Variants in NIM1K observed in about 807,000 individuals in gnomAD.
NIM1K encodes NIM1 serine/threonine protein kinase, also known as serine/threonine-protein kinase NIM1.
A neutral mutation model predicts 37.1 loss-of-function variants in NIM1K; 35 were observed. That is an observed-to-expected ratio of 0.94 (90% confidence interval 0.72 to 1.25). The LOEUF is 1.25. NIM1K is among the 50% of genes most tolerant of loss of function. NIM1K has a pLI of 0.00. For missense variants in NIM1K, 564 were observed against 548.0 expected, an observed-to-expected ratio of 1.03 and a Z score of -0.29; for synonymous variants, 234 against 206.6, an observed-to-expected ratio of 1.13 and a Z score of -1.14.
chr5:43,221,266 G>A (rs143001309), intron 1 of NIM1K, among the ~76,000 whole-genome samples: 68 of 152,102 alleles, frequency 4.5e-4, no homozygotes, highest in African/African-American at 1.6e-3. Context: ...CTTGACGTCA[G>A]GAGTTCGAGA....
In NIM1K at chr5:43,230,655, G is replaced by A. The variant is rs115177262; in HGVS notation, c.-694-14427G>A. On this transcript the variant is annotated intron_variant, in intron 1 of 3. Coordinates refer to ENST00000326035, the MANE Select transcript of NIM1K (RefSeq NM_153361.4). ...TTCAATCACAATATTTGGGGGGCAGGGCCTAGACTTCTGCATTTTTTGAAT... is the reference window on the plus strand; with the variant it reads ...TTCAATCACAATATTTGGGGGGCAGAGCCTAGACTTCTGCATTTTTTGAAT... Among the ~76,000 whole-genome samples, 463 of 152,242 alleles carry A rather than the reference G, an allele frequency of 3.0e-3. 3 individuals carry two copies. The highest frequency in any genetic ancestry group is 0.011 in the African/African-American group (451 of 41,560).
chr5:43,265,326 T>G (rs1753126277), intron 2 of NIM1K, among the ~76,000 whole-genome samples: 1 of 152,210 alleles, frequency 6.6e-6, no homozygotes, highest in Non-Finnish European at 1.5e-5. Flanking sequence ...CTTTTTACTC[T>G]TTTTTCTCTA....
At chr5:43,259,094 C>G (rs1224113997) in intron 2 of NIM1K, among the ~76,000 whole-genome samples, 1 of 152,130 alleles carries the variant, frequency 6.6e-6, no homozygotes, top group African/African-American at 2.4e-5. Context: ...TTATTTTATT[C>G]TTTTTCATAG....
chr5:43,198,989 G>C (rs1297840360), intron 1 of NIM1K, among the ~76,000 whole-genome samples: 1 of 151,624 alleles, frequency 6.6e-6, no homozygotes, highest in East Asian at 1.9e-4. Context: ...AGGAGTTCGA[G>C]ACCAGCCTGA....
rs369308427 is a variant in NIM1K at position 43,277,206 on chromosome 5, T to G, written c.442T>G (p.Leu148Val). 3.2e-5 allele frequency: 51 copies of G among 1,613,936 alleles called. No individual in the cohort carries two copies. The highest frequency in any genetic ancestry group is 4.2e-5 in the Non-Finnish European group (50 of 1,180,008). The stretch of plus-strand genomic sequence containing the variant: ...GGTGGAGACCCTATCCAAGCTGCAC[T>G]TGGTGATGGAGTATGCAGGGGGTGG... ...EVVETLSKLH[L>V]VMEYAGGGEL... is the part of the protein sequence containing the mutation. The change falls in exon 3 of 4, where the codon TTG becomes GTG. Residue 148 changes from leucine to valine, a missense_variant. By Grantham distance (32) the Leu-to-Val change is conservative (BLOSUM62 1). Transcript: ENST00000326035.
At chr5:43,238,383 T>C (rs1171024786) in intron 1 of NIM1K, among the ~76,000 whole-genome samples, 1 of 151,952 alleles carries the variant, frequency 6.6e-6, no homozygotes, top group African/African-American at 2.4e-5. Context: ...TTTCTTGTTG[T>C]CTGAATTGTC....
At position 43,245,818 on chromosome 5, in the gene NIM1K, C is replaced by T; in HGVS notation, c.43C>T (p.His15Tyr). ...YMNGGGLVNP[H>Y]YARWDRRDSV... ...GAATGGAGGTGGCCTGGTGAACCCC[C>T]ACTATGCCCGGTGGGATCGGCGCGA... The change falls in exon 2 of 4, where the codon CAC becomes TAC. Residue 15 changes from histidine (H) to tyrosine (Y), a missense_variant. Physicochemically the swap from His to Tyr is moderately conservative, Grantham distance 83. Transcript: ENST00000326035. The T allele has an allele frequency of 1.9e-6, 3 of 1,612,544 alleles. No individual in the cohort carries two copies. The highest frequency in any genetic ancestry group is 2.5e-6 in the Non-Finnish European group (3 of 1,179,044).
intron 1 of NIM1K, among the ~76,000 whole-genome samples, chr5:43,223,862 C>A (rs949606763): frequency 6.6e-6 from 1 of 152,112 alleles, no homozygotes; most frequent in Non-Finnish European, 1.5e-5. Flanking sequence ...GCTCAGGAAT[C>A]AAAGGCATCA....
At chr5:43,231,931 T>G in intron 1 of NIM1K, 2 of 953,822 alleles carry the variant, frequency 2.1e-6, no homozygotes, top group South Asian at 2.6e-5. Flanking sequence ...CCTTCCTCCC[T>G]TCTCTCACCC....
intron 2 of NIM1K, among the ~76,000 whole-genome samples, chr5:43,270,427 G>A (rs1753238374): frequency 6.6e-6 from 1 of 152,168 alleles, no homozygotes; most frequent in South Asian, 2.1e-4. Context: ...AAGGAAGAGA[G>A]ATTCCAGTAG....
intron 2 of NIM1K, among the ~76,000 whole-genome samples, chr5:43,265,001 T>A (rs1006487500): frequency 6.6e-6 from 1 of 152,232 alleles, no homozygotes; most frequent in African/African-American, 2.4e-5. Context: ...GTTAGTCTGA[T>A]GGGCTTCCCT....
At chr5:43,209,412 G>A (rs1182180448) in intron 1 of NIM1K, among the ~76,000 whole-genome samples, 2 of 152,094 alleles carry the variant, frequency 1.3e-5, no homozygotes, top group East Asian at 1.9e-4. Context: ...GAACAAACTT[G>A]CCTTTGTTTC....
chr5:43,245,601 C>T lies in NIM1K; in HGVS notation c.-175C>T, dbSNP rs1752764711. The T allele has an allele frequency of 8.5e-6, 5 of 588,764 alleles. No homozygotes were observed. Among genetic ancestry groups the T allele is most frequent in the Admixed American group, 3.0e-5 (1 of 33,254 alleles). 36.5% of individuals were successfully genotyped at this position (588,764 alleles called of 1,614,324 possible). ...CTGGGCTGGGCAGACTCAGCTACCA[C>T]GTTCACTGCCTTCCTCTCACTAAAG... is the stretch of plus-strand genomic sequence containing the variant. On this transcript the variant is annotated 5_prime_UTR_variant, in exon 2 of 4. In the 5' UTR this introduces an upstream ATG that the reference lacks. Transcript: ENST00000326035.
At position 43,263,138 on chromosome 5, in the gene NIM1K, G is replaced by A. The variant is rs556580875; in HGVS notation, c.293-13919G>A. ...TGCTGGCCTCATAAAATGAGTTAGG[G>A]AGGATTCCCTCTTTTTCTATTGATT... On this transcript the variant is annotated intron_variant, in intron 2 of 3. Coordinates refer to ENST00000326035, the MANE Select transcript of NIM1K (RefSeq NM_153361.4). 7.2e-5 allele frequency among the ~76,000 whole-genome samples: 11 copies of A among 152,308 alleles called. No individual in the cohort carries two copies. In the South Asian group the frequency reaches 2.3e-3, roughly 32 times the overall value.
chr5:43,255,754 A>AAGAAAGAAAGAAAGAAAG (rs1554016082), intron 2 of NIM1K, among the ~76,000 whole-genome samples: 1 of 131,808 alleles, frequency 7.6e-6, no homozygotes, highest in Non-Finnish European at 1.6e-5. Flanking sequence ...TCTCAAAAAA[A>AAGAAAGAAAGAAAGAAAG]AAAGAAAGAA....
chr5:43,249,905 T>C (rs1047435620), intron 2 of NIM1K, among the ~76,000 whole-genome samples: 2 of 139,766 alleles, frequency 1.4e-5, no homozygotes, highest in Admixed American at 1.6e-4. Flanking sequence ...CACGCTGGAG[T>C]GTAGTGGTGT....
rs1177152181 is a variant in NIM1K, at chr5:43,213,280, GTTTCCTTTCCTTTTCTTTTCTTTTC to G, written c.-695+20873_-695+20897del. Among the ~76,000 whole-genome samples the G allele has an allele frequency of 3.1e-4, 18 of 57,760 alleles. No homozygotes were observed. The East Asian group carries it at 4.0e-3, about 13-fold the overall frequency. 37.9% of individuals were successfully genotyped at this position (57,760 alleles called of 152,430 possible). A position where few individuals can be genotyped will look rare whatever the true frequency, so the allele number is the denominator to read the frequency against. ...TCTTTCTTGTTTCTTTTTCTTTCTT[GTTTCCTTTCCTTTTCTTTTCTTTTC>G]TTTTCTTTTCTTTTCTTTTCTTTTC... On this transcript the variant is annotated intron_variant, in intron 1 of 3. Transcript: ENST00000326035.
At chr5:43,194,178 C>G (rs147136933) in intron 1 of NIM1K, among the ~76,000 whole-genome samples, 25 of 152,222 alleles carry the variant, frequency 1.6e-4, no homozygotes, top group African/African-American at 6.0e-4. Context: ...CTGGCCTGAG[C>G]CCAGATCGCC....
At chr5:43,247,155 C>T (rs577689119) in intron 2 of NIM1K, among the ~76,000 whole-genome samples, 30 of 152,242 alleles carry the variant, frequency 2.0e-4, no homozygotes, top group Non-Finnish European at 3.2e-4. Flanking sequence ...ACCTCCCCAC[C>T]GCAACTGACC....
Sources: gnomAD v4.1 joint callset for allele counts (sites outside exome capture counted in the v4.1 genomes callset) on GRCh38, gnomAD v4.1.1 for gene constraint, MANE v1.5 for transcripts, NCBI Gene and HGNC (gene_info 2026-07-23, HGNC 2026-07-21) for gene names.